ADAMTSL1: variants seen among roughly 807,000 people sequenced by gnomAD.
The protein encoded by ADAMTSL1 is ADAMTS like 1.
Under a neutral mutation model 201.8 loss-of-function variants are expected in ADAMTSL1, and 126 were observed. The observed-to-expected ratio is 0.62, with a 90% CI of 0.54 to 0.72. The LOEUF (loss-of-function observed/expected upper bound fraction) is 0.72. Among genes scored for constraint, ADAMTSL1 ranks in the 30% least tolerant of loss-of-function variants. The pLI, the probability that ADAMTSL1 is intolerant of heterozygous loss-of-function variation, is 0.00. For synonymous variants in ADAMTSL1, 1,121 were observed against 903.4 expected, an observed-to-expected ratio of 1.24 and a Z score of -4.32; for missense variants, 2,679 against 2,277.8, an observed-to-expected ratio of 1.18 and a Z score of -3.59.
chr9:18,136,203 T>C (rs1826149579), intron 1 of ADAMTSL1, among the ~76,000 whole-genome samples: 1 of 152,130 alleles, frequency 6.6e-6, no homozygotes, highest in South Asian at 2.1e-4. Context: ...GGAAGCTTAT[T>C]AAAAAATAAA....
intron 1 of ADAMTSL1, among the ~76,000 whole-genome samples, chr9:17,907,546 C>T (rs1825766003): frequency 6.6e-6 from 1 of 152,168 alleles, no homozygotes; most frequent in Non-Finnish European, 1.5e-5. Context: ...ACCATACCCC[C>T]TCCGAATCCT....
intron 4 of ADAMTSL1, among the ~76,000 whole-genome samples, chr9:18,577,145 C>T (rs1182423320): frequency 6.6e-6 from 1 of 152,004 alleles, no homozygotes; most frequent in Admixed American, 6.6e-5. Context: ...TCTATCATGG[C>T]CAGATTCACT....
chr9:18,539,430 T>C (rs573370045), intron 3 of ADAMTSL1, among the ~76,000 whole-genome samples: 2 of 152,350 alleles, frequency 1.3e-5, no homozygotes, highest in East Asian at 3.9e-4. Flanking sequence ...CGCTGCATAC[T>C]CAGGGTCTGG....
chr9:18,266,125 A>G lies in ADAMTSL1; in HGVS notation c.207+102144A>G, dbSNP rs538248093. On this transcript the variant is annotated intron_variant, in intron 2 of 29. Transcript: ENST00000680146. The stretch of plus-strand genomic sequence containing the variant: ...TAGGCACTGATATCCCAGAAGTGCA[A>G]TTTACAAAGACAGCAGGCGCCACTG... Among the ~76,000 whole-genome samples the G allele has an allele frequency of 2.0e-4, 31 of 152,322 alleles. No individual in the cohort carries two copies. In the East Asian group the frequency reaches 4.8e-3, roughly 24 times the overall value.
At chr9:18,522,301 A>C (rs1818746928) in intron 2 of ADAMTSL1, among the ~76,000 whole-genome samples, 1 of 152,132 alleles carries the variant, frequency 6.6e-6, no homozygotes, top group African/African-American at 2.4e-5. Context: ...TAAAAGTTGA[A>C]ATTATTTAAA....
intron 1 of ADAMTSL1, among the ~76,000 whole-genome samples, chr9:18,052,785 T>G (rs1050561118): frequency 3.3e-5 from 5 of 151,010 alleles, no homozygotes; most frequent in African/African-American, 1.2e-4. Context: ...TGTTTTGTAC[T>G]AGAGTGGGGG....
intron 2 of ADAMTSL1, among the ~76,000 whole-genome samples, chr9:18,184,430 T>G (rs1163928429): frequency 6.6e-6 from 1 of 152,218 alleles, no homozygotes; most frequent in Non-Finnish European, 1.5e-5. Flanking sequence ...AAGAATTTTT[T>G]TTTAATCACC....
chr9:18,845,667 A>T (rs1256553200), intron 23 of ADAMTSL1, among the ~76,000 whole-genome samples: 2 of 152,228 alleles, frequency 1.3e-5, no homozygotes. Flanking sequence ...GAATTGCAGA[A>T]CCCAGCTGGC....
At chr9:18,756,035 G>A (rs1345519527) in intron 16 of ADAMTSL1, among the ~76,000 whole-genome samples, 6 of 127,272 alleles carry the variant, frequency 4.7e-5, no homozygotes, top group African/African-American at 1.7e-4. Context: ...TGGTGCATAG[G>A]GTCTGTTTGT....
chr9:18,510,098 C>A (rs1817943179), intron 2 of ADAMTSL1, among the ~76,000 whole-genome samples: 1 of 152,124 alleles, frequency 6.6e-6, no homozygotes, highest in Non-Finnish European at 1.5e-5. Context: ...ACCTGCCAGG[C>A]CAATTTTCTA....
intron 1 of ADAMTSL1, among the ~76,000 whole-genome samples, chr9:18,112,976 C>T (rs774910470): frequency 1.6e-4 from 24 of 152,146 alleles, no homozygotes; most frequent in African/African-American, 4.8e-4. Context: ...GGAGCTGCTA[C>T]GAAATCCCAG....
At chr9:18,703,981 C>G (rs7341804) in intron 13 of ADAMTSL1, among the ~76,000 whole-genome samples, 11,899 of 151,736 alleles carry the variant, frequency 0.078, 1,227 homozygotes, top group African/African-American at 0.24. Context: ...GGCTACTTGT[C>G]ATATTCCATA....
chr9:18,705,411 A>T (rs757955200), intron 13 of ADAMTSL1, among the ~76,000 whole-genome samples: 6 of 152,154 alleles, frequency 3.9e-5, no homozygotes, highest in African/African-American at 1.4e-4. Context: ...GGCCCCTCTC[A>T]AGGTCATTAT....
At chr9:18,601,830 TTA>T (rs1824678931) in intron 4 of ADAMTSL1, among the ~76,000 whole-genome samples, 1 of 151,694 alleles carries the variant, frequency 6.6e-6, no homozygotes, top group Admixed American at 6.6e-5. Flanking sequence ...TCCATAGATA[TTA>T]TATATATAGT....
intron 2 of ADAMTSL1, among the ~76,000 whole-genome samples, chr9:18,244,549 C>T (rs1313646727): frequency 6.6e-6 from 1 of 152,060 alleles, no homozygotes; most frequent in Non-Finnish European, 1.5e-5. Context: ...CTTGCTTCCT[C>T]CTCTTTACCC....
intron 1 of ADAMTSL1, among the ~76,000 whole-genome samples, chr9:18,037,714 C>T (rs890384255): frequency 5.3e-5 from 8 of 152,206 alleles, no homozygotes; most frequent in African/African-American, 1.9e-4. Flanking sequence ...GTTTAAAAGG[C>T]TTATTTTTTA....
At chr9:18,467,877 G>A (rs1821065562) in intron 2 of ADAMTSL1, among the ~76,000 whole-genome samples, 1 of 152,152 alleles carries the variant, frequency 6.6e-6, no homozygotes, top group South Asian at 2.1e-4. Context: ...CCCACTCTCT[G>A]TATATTGTCT....
At chr9:17,999,614 T>TA (rs1344513614) in intron 1 of ADAMTSL1, among the ~76,000 whole-genome samples, 2 of 151,714 alleles carry the variant, frequency 1.3e-5, no homozygotes, top group Non-Finnish European at 2.9e-5. Flanking sequence ...ACTTTTTTTT[T>TA]TTATTATACT....
At chr9:18,287,405 A>T (rs1402043154) in intron 2 of ADAMTSL1, among the ~76,000 whole-genome samples, 1 of 151,830 alleles carries the variant, frequency 6.6e-6, no homozygotes. Flanking sequence ...ATGCACATAC[A>T]CATATATTTA....
Sources: gnomAD v4.1 joint callset for allele counts (sites outside exome capture counted in the v4.1 genomes callset) on GRCh38, gnomAD v4.1.1 for gene constraint, MANE v1.5 for transcripts, NCBI Gene and HGNC (gene_info 2026-07-23, HGNC 2026-07-21) for gene names.